The following FGGY variants were observed in gnomAD, a reference collection of about 807,000 sequenced individuals.
FGGY encodes FGGY carbohydrate kinase domain-containing protein.
Under a neutral mutation model 71.3 loss-of-function variants are expected in FGGY, and 72 were observed. The ratio of observed to expected loss-of-function variants is 1.01; its 90% CI spans 0.84 to 1.23. The LOEUF is 1.23. Ranked by LOEUF, FGGY falls within the 50% of genes most tolerant of loss-of-function variation. The pLI is 0.00. For missense variants in FGGY, 668 were observed against 682.3 expected (o/e 0.98, Z 0.23); for synonymous variants, 251 against 250.3 (o/e 1.00, Z -0.02).
chr1:59,756,400 A>C (rs779548071), intron 14 of FGGY, among the ~76,000 whole-genome samples: 1 of 152,236 alleles, frequency 6.6e-6, no homozygotes, highest in Admixed American at 6.5e-5. Context: ...ACCTAGCAGG[A>C]GTGGAAATTC....
At chr1:59,468,227 A>G (rs1450149840) in intron 6 of FGGY, among the ~76,000 whole-genome samples, 1 of 152,118 alleles carries the variant, frequency 6.6e-6, no homozygotes, top group Non-Finnish European at 1.5e-5. Flanking sequence ...CTAAACCACA[A>G]TGGACTTTCG....
intron 14 of FGGY, among the ~76,000 whole-genome samples, chr1:59,693,948 AGTG>A (rs2097623574): frequency 6.6e-6 from 1 of 151,864 alleles, no homozygotes; most frequent in Admixed American, 6.6e-5. Context: ...CAGAAGTTGC[AGTG>A]AGCCAATGTT....
intron 13 of FGGY, 135 bp from the exon 14 acceptor site, chr1:59,673,904 G>A (rs1000091816): frequency 4.6e-6 from 3 of 658,452 alleles, no homozygotes; most frequent in East Asian, 2.8e-5. Flanking sequence ...ATAAAGAAGG[G>A]AGGACTGCAG....
chr1:59,454,526 A>G (rs1006751127), intron 5 of FGGY, among the ~76,000 whole-genome samples: 2 of 152,284 alleles, frequency 1.3e-5, no homozygotes, highest in Non-Finnish European at 1.5e-5. Context: ...GTGTTCTGTG[A>G]TCTGTGCCAC....
intron 9 of FGGY, among the ~76,000 whole-genome samples, chr1:59,622,242 T>C (rs1379043680): frequency 6.6e-6 from 1 of 152,150 alleles, no homozygotes; most frequent in Non-Finnish European, 1.5e-5. Flanking sequence ...TTAAGCATTG[T>C]TAAAATACCT....
chr1:59,692,784 G>C (rs1208220675), intron 14 of FGGY, among the ~76,000 whole-genome samples: 1 of 152,134 alleles, frequency 6.6e-6, no homozygotes, highest in Admixed American at 6.5e-5. Context: ...GGCAGATGTT[G>C]AGCCACTTTA....
intron 8 of FGGY, among the ~76,000 whole-genome samples, chr1:59,594,868 A>C (rs1201035884): frequency 6.6e-6 from 1 of 152,190 alleles, no homozygotes; most frequent in Non-Finnish European, 1.5e-5. Context: ...TGATGAGTGG[A>C]GAGAGAGAAG....
At chr1:59,716,675 C>T (rs1244599405) in intron 14 of FGGY, among the ~76,000 whole-genome samples, 3 of 152,138 alleles carry the variant, frequency 2.0e-5, no homozygotes, top group Admixed American at 2.0e-4. Context: ...TTATTTAGTA[C>T]AGACAGTAAG....
chr1:59,430,001 G>A (rs889618773), intron 5 of FGGY, among the ~76,000 whole-genome samples: 8 of 152,104 alleles, frequency 5.3e-5, no homozygotes, highest in Non-Finnish European at 8.8e-5. Context: ...CCTCCACTTG[G>A]CTAAATGGTG....
chr1:59,618,817 T>C (rs1162573246), intron 9 of FGGY, among the ~76,000 whole-genome samples: 1 of 152,016 alleles, frequency 6.6e-6, no homozygotes, highest in African/African-American at 2.4e-5. Flanking sequence ...CTCAGGGGCA[T>C]GGGAGACAAT....
chr1:59,651,913 G>C (rs988226213), intron 11 of FGGY, among the ~76,000 whole-genome samples: 28 of 152,122 alleles, frequency 1.8e-4, no homozygotes, highest in African/African-American at 6.8e-4. Flanking sequence ...TCCATCTTTA[G>C]TGGTTCCTTC....
At chr1:59,556,620 C>G (rs2095690523) in intron 8 of FGGY, among the ~76,000 whole-genome samples, 1 of 152,196 alleles carries the variant, frequency 6.6e-6, no homozygotes, top group Non-Finnish European at 1.5e-5. Context: ...TGAACATCTG[C>G]TCATGCATGT....
chr1:59,375,257 T>A (rs1339565633), intron 4 of FGGY, among the ~76,000 whole-genome samples: 6 of 88,364 alleles, frequency 6.8e-5, no homozygotes, highest in African/African-American at 1.0e-4. Context: ...AGACTCCATC[T>A]CAAAAAAGAA....
At position 59,444,773 on chromosome 1, in the gene FGGY, A is replaced by G. The variant is rs150628629; in HGVS notation, c.555-12188A>G. 4.3e-3 allele frequency among the ~76,000 whole-genome samples: 652 copies of G among 152,284 alleles called. 1 individual carries two copies. The highest frequency in any genetic ancestry group is 0.015 in the African/African-American group (623 of 41,566). On this transcript the variant is annotated intron_variant, in intron 5 of 15. Coordinates refer to ENST00000303721, the MANE Select transcript of FGGY (RefSeq NM_018291.5). ...CTAATGCCTGATGATCTGAGGTGGC[A>G]CAGTTTCATCCCGGAACCTTCCTCC...
chr1:59,426,774 C>G (rs1008885206), intron 5 of FGGY, among the ~76,000 whole-genome samples: 4 of 151,668 alleles, frequency 2.6e-5, no homozygotes, highest in African/African-American at 9.7e-5. Flanking sequence ...TGTCTAGAAC[C>G]TTAGTTGGTT....
intron 8 of FGGY, among the ~76,000 whole-genome samples, chr1:59,579,295 C>T (rs1469021117): frequency 6.6e-6 from 1 of 152,100 alleles, no homozygotes; most frequent in Non-Finnish European, 1.5e-5. Flanking sequence ...TCTTCCCTGC[C>T]CATTTCCCCT....
chr1:59,643,714 C>T (rs1219791874), intron 11 of FGGY, among the ~76,000 whole-genome samples: 1 of 152,184 alleles, frequency 6.6e-6, no homozygotes, highest in African/African-American at 2.4e-5. Context: ...TAAGACATAA[C>T]ATATGTTTTA....
chr1:59,523,194 G>T (rs2094884440), intron 7 of FGGY, among the ~76,000 whole-genome samples: 2 of 152,208 alleles, frequency 1.3e-5, no homozygotes, highest in East Asian at 1.9e-4. Context: ...GTGTGTGTTT[G>T]GGGGCCCAGA....
chr1:59,488,254 A>T (rs189305070), intron 6 of FGGY, among the ~76,000 whole-genome samples: 28 of 152,180 alleles, frequency 1.8e-4, no homozygotes, highest in African/African-American at 6.7e-4. Flanking sequence ...TATGGTACAA[A>T]TACACAAAAA....
Sources: allele counts gnomAD v4.1 joint callset (sites outside exome capture counted in the v4.1 genomes callset), GRCh38; gene constraint gnomAD v4.1.1; transcripts MANE v1.5; gene names NCBI Gene and HGNC (gene_info 2026-07-23, HGNC 2026-07-21).